EML6: variants seen among roughly 807,000 people sequenced by gnomAD.
The protein encoded by EML6 is echinoderm microtubule-associated protein-like 6.
A neutral mutation model predicts 240.1 loss-of-function variants in EML6; 154 were observed. That is an observed-to-expected ratio of 0.64 (90% confidence interval 0.56 to 0.73). The LOEUF is 0.73. EML6 is among the 30% of genes least tolerant of loss of function. The pLI, the probability that EML6 is intolerant of heterozygous loss-of-function variation, is 0.00. For synonymous variants in EML6, 1,148 were observed against 899.0 expected, an observed-to-expected ratio of 1.28 and a Z score of -4.95; for missense variants, 2,964 against 2,474.6, an observed-to-expected ratio of 1.20 and a Z score of -4.20.
In EML6 at chr2:54,968,707, A is replaced by G; in HGVS notation, c.5791A>G (p.Thr1931Ala). The change falls in exon 41 of 42, where the codon ACG becomes GCG. Residue 1931 changes from threonine to alanine, a missense_variant. Thr to Ala is a moderately conservative substitution (Grantham distance 58). Coordinates refer to ENST00000356458, the MANE Select transcript of EML6 (RefSeq NM_001039753.4). ...ATACTTCGGTCACTCGGCTCACGTG[A>G]CGAACATCCGTTTCTCTTATGATGA... is the stretch of plus-strand genomic sequence containing the variant. ...KRYFGHSAHV[T>A]NIRFSYDDKY... The G allele has an allele frequency of 6.4e-7, 1 of 1,551,500 alleles. No individual in the cohort carries two copies. The highest frequency in any genetic ancestry group is 8.7e-7 in the Non-Finnish European group (1 of 1,146,772).
chr2:54,760,569 AGCAGGCTT>A (rs1667931784), intron 2 of EML6, among the ~76,000 whole-genome samples: 1 of 152,198 alleles, frequency 6.6e-6, no homozygotes, highest in African/African-American at 2.4e-5. Flanking sequence ...ACCTAGAGGC[AGCAGGCTT>A]GCAGAGTACC....
rs576842183 is a variant in EML6, at chr2:54,789,513, C to CAAAAAAAAAAAAA, written c.198-23696_198-23684dup. 3.8e-3 allele frequency among the ~76,000 whole-genome samples: 298 copies of CAAAAAAAAAAAAA among 77,874 alleles called. 6 individuals carry two copies. The highest frequency in any genetic ancestry group is 5.9e-3 in the Non-Finnish European group (231 of 39,476). The allele number at this position is 77,874 out of a possible 152,430, so 51.1% of individuals were successfully genotyped here. ...TGGGCCACAGAGCGAGACTTCGTCT[C>CAAAAAAAAAAAAA]AAAAAAAAAAAAAAAAAAAAAAAAA... is the stretch of plus-strand genomic sequence containing the variant. On this transcript the variant is annotated intron_variant, in intron 2 of 41. Coordinates refer to ENST00000356458, the MANE Select transcript of EML6 (RefSeq NM_001039753.4).
intron 2 of EML6, among the ~76,000 whole-genome samples, chr2:54,761,681 A>T (rs1667990580): frequency 6.6e-6 from 1 of 152,182 alleles, no homozygotes. Flanking sequence ...AATGGTCAAA[A>T]ATAGTTGAGG....
chr2:54,844,136 C>T lies in EML6; in HGVS notation c.937C>T (p.Arg313Ter), dbSNP rs1379514961. The change falls in exon 8 of 42, where the codon CGA becomes TGA. Residue 313 changes from arginine to a stop codon, truncating the protein, a stop_gained. Transcript: ENST00000356458. LOFTEE classifies it high-confidence loss of function. ...SEIFEVIVRE[R>*]DKPMLILQGH... ...GATATTTGAAGTGATTGTGCGAGAG[C>T]GAGACAAGCCGATGTTGATCCTACA... 2 of 1,551,500 alleles carry T rather than the reference C, an allele frequency of 1.3e-6. No homozygotes were observed. Among genetic ancestry groups the T allele is most frequent in the Non-Finnish European group, 8.7e-7 (1 of 1,146,974 alleles).
At chr2:54,768,373 T>C (rs1403100965) in intron 2 of EML6, among the ~76,000 whole-genome samples, 1 of 152,188 alleles carries the variant, frequency 6.6e-6, no homozygotes, top group Non-Finnish European at 1.5e-5. Flanking sequence ...AAGGATGACA[T>C]GCAAGGACTT....
chr2:54,931,190 C>G (rs1339294838), intron 28 of EML6, among the ~76,000 whole-genome samples: 2 of 152,020 alleles, frequency 1.3e-5, no homozygotes, highest in South Asian at 2.1e-4. Flanking sequence ...ATCTCCTGAC[C>G]TCGTGATCCG....
intron 34 of EML6, 81 bp downstream of exon 34, chr2:54,959,342 G>A: frequency 3.0e-6 from 4 of 1,327,424 alleles, no homozygotes; most frequent in Non-Finnish European, 4.1e-6. Flanking sequence ...CCAACTTGGA[G>A]AAAATGCAGA....
intron 7 of EML6, 29 bp downstream of exon 7, chr2:54,829,506 C>T (rs2104180932): frequency 1.3e-6 from 2 of 1,515,034 alleles, no homozygotes; most frequent in East Asian, 2.5e-5. Flanking sequence ...TTACCTGTAA[C>T]TCTGGATGTG....
At chr2:54,871,271 G>A (rs187432343) in intron 15 of EML6, among the ~76,000 whole-genome samples, 1 of 152,326 alleles carries the variant, frequency 6.6e-6, no homozygotes, top group East Asian at 1.9e-4. Context: ...CAGGCATCAG[G>A]TTAGGCTCTG....
chr2:54,768,961 G>C (rs1668299414), intron 2 of EML6, among the ~76,000 whole-genome samples: 1 of 152,146 alleles, frequency 6.6e-6, no homozygotes, highest in Admixed American at 6.5e-5. Context: ...AACACATGTG[G>C]ATAATGATGA....
chr2:54,935,649 G>C (rs1316749039), intron 28 of EML6, among the ~76,000 whole-genome samples: 1 of 152,110 alleles, frequency 6.6e-6, no homozygotes, highest in Admixed American at 6.5e-5. Context: ...TCATGCTGAG[G>C]TTTGTTACTT....
At chr2:54,873,608 C>A (rs1337894212) in intron 16 of EML6, among the ~76,000 whole-genome samples, 2 of 149,940 alleles carry the variant, frequency 1.3e-5, no homozygotes, top group Non-Finnish European at 3.0e-5. Context: ...GCTTTTTGTT[C>A]TCCATAGTTC....
chr2:54,728,766 A>G (rs1260252549), intron 2 of EML6, among the ~76,000 whole-genome samples: 1 of 152,178 alleles, frequency 6.6e-6, no homozygotes, highest in African/African-American at 2.4e-5. Flanking sequence ...GAACAAAACA[A>G]TGATTCATCA....
intron 2 of EML6, among the ~76,000 whole-genome samples, chr2:54,775,162 G>A (rs1455955266): frequency 1.3e-5 from 2 of 152,140 alleles, no homozygotes; most frequent in East Asian, 3.8e-4. Flanking sequence ...GCCAAAATAA[G>A]CCTTTAAAAT....
At chr2:54,949,481 C>T (rs1675863678) in intron 29 of EML6, among the ~76,000 whole-genome samples, 1 of 152,116 alleles carries the variant, frequency 6.6e-6, no homozygotes, top group Admixed American at 6.5e-5. Context: ...TTATCAGGTC[C>T]CAAGCCCAAG....
In EML6 at chr2:54,797,167, A is replaced by AAAAAAAAAAAAAAAAAAACAAC. The variant is rs1669839107; in HGVS notation, c.198-16047_198-16046insCAACAAAAAAAAAAAAAAAAAA. ...GTGACAGAGCAAGACTCCATCTCAA[A>AAAAAAAAAAAAAAAAAAACAAC]AAAAAAAAAAAAAAAAAAAAAACTG... On this transcript the variant is annotated intron_variant, in intron 2 of 41. Coordinates refer to ENST00000356458, the MANE Select transcript of EML6 (RefSeq NM_001039753.4). Among the ~76,000 whole-genome samples, 21 of 114,080 alleles carry AAAAAAAAAAAAAAAAAAACAAC rather than the reference A, an allele frequency of 1.8e-4. No homozygotes were observed. In the East Asian group the frequency reaches 3.2e-3, roughly 18 times the overall value. The allele number at this position is 114,080 out of a possible 152,430, so 74.8% of individuals were successfully genotyped here.
chr2:54,828,366 T>A (rs544822755), intron 6 of EML6, among the ~76,000 whole-genome samples: 1 of 152,170 alleles, frequency 6.6e-6, no homozygotes, highest in Non-Finnish European at 1.5e-5. Flanking sequence ...TTGACACACA[T>A]GAAAATGACT....
chr2:54,779,530 A>C (rs1668751933), intron 2 of EML6, among the ~76,000 whole-genome samples: 1 of 144,940 alleles, frequency 6.9e-6, no homozygotes, highest in Non-Finnish European at 1.5e-5. Flanking sequence ...TGGGCGACAA[A>C]AGTGAGACTC....
Position 54,725,288 on chromosome 2 carries a change from G to A in EML6, c.197+30G>A, listed in dbSNP as rs934972936. ...GGGGGTGGCCAGGGGCGGCGGGGAG[G>A]GGTTGCGTGTGGAGGCTGGGAAGGT... On this transcript the variant is annotated intron_variant, in intron 2 of 41. Transcript: ENST00000356458. The surrounding 1 kb of genome is among the most constrained non-coding windows in gnomAD (Gnocchi z 4.3). 1.5e-5 allele frequency: 21 copies of A among 1,388,364 alleles called. No homozygotes were observed. The African/African-American group carries it at 2.9e-4, about 19-fold the overall frequency. 86.0% of individuals were successfully genotyped at this position (1,388,364 alleles called of 1,614,324 possible).
Sources: gnomAD v4.1 joint callset for allele counts (sites outside exome capture counted in the v4.1 genomes callset) on GRCh38, gnomAD v4.1.1 for gene constraint, Gnocchi (gnomAD v3.1) non-coding constraint, MANE v1.5 for transcripts, NCBI Gene and HGNC (gene_info 2026-07-23, HGNC 2026-07-21) for gene names.